Variants in BLK observed in about 807,000 individuals in gnomAD.
BLK encodes tyrosine-protein kinase Blk.
BLK carries 64 observed loss-of-function variants against 61.8 expected under a neutral mutation model. The observed-to-expected ratio is 1.03, with a 90% confidence interval of 0.85 to 1.27. BLK has a LOEUF of 1.27. Among genes scored for constraint, BLK ranks in the 50% most tolerant of loss-of-function variants. The pLI is 0.00. For missense variants in BLK, 853 were observed against 660.5 expected (o/e 1.29, Z -3.19); for synonymous variants, 351 against 272.0 (o/e 1.29, Z -2.86).
rs372586212 is a variant in BLK, at chr8:11,554,898, G to A, written c.619+9G>A. 1.2e-5 allele frequency: 20 copies of A among 1,611,756 alleles called. No individual in the cohort carries two copies. Among genetic ancestry groups the A allele is most frequent in the Non-Finnish European group, 1.5e-5 (18 of 1,179,920 alleles). On this transcript the variant is annotated intron_variant, in intron 7 of 12. Coordinates refer to ENST00000259089, the MANE Select transcript of BLK (RefSeq NM_001715.3). The stretch of plus-strand genomic sequence containing the variant: ...GGTGCAGCACTATTCTAGTAAGAGG[G>A]GGCGTGCAATGGGGGCAGGGACTTG...
At position 11,557,376 on chromosome 8, in the gene BLK, A is replaced by G. The variant is rs553749983; in HGVS notation, c.952+539A>G. ...ATAGGATCCTAACATGCCCATGTTGATATAGCTCCCTAACAACTGTCACCA... is the reference window on the plus strand; with the variant it reads ...ATAGGATCCTAACATGCCCATGTTGGTATAGCTCCCTAACAACTGTCACCA... On this transcript the variant is annotated intron_variant, in intron 9 of 12. Coordinates refer to ENST00000259089, the MANE Select transcript of BLK (RefSeq NM_001715.3). Among the ~76,000 whole-genome samples, 4 of 152,272 alleles carry G rather than the reference A, an allele frequency of 2.6e-5. No individual in the cohort carries two copies. The East Asian group carries it at 7.7e-4, about 29-fold the overall frequency.
chr8:11,526,769 CTG>C (rs1799670336), intron 1 of BLK, among the ~76,000 whole-genome samples: 1 of 152,134 alleles, frequency 6.6e-6, no homozygotes, highest in African/African-American at 2.4e-5. Flanking sequence ...TATAATTTTA[CTG>C]TGTTTCATCA....
At chr8:11,509,895 C>G (rs1798929996) in intron 1 of BLK, 1 of 152,144 alleles carries the variant, frequency 6.6e-6, no homozygotes, top group Admixed American at 6.6e-5. Context: ...AGACATAGCA[C>G]CTTAGATTCT....
intron 1 of BLK, among the ~76,000 whole-genome samples, chr8:11,522,222 A>G (rs1165331928): frequency 6.6e-6 from 1 of 152,242 alleles, no homozygotes; most frequent in Non-Finnish European, 1.5e-5. Context: ...AATGGTCAAA[A>G]TATATGAATA....
chr8:11,534,803 G>C (rs1800044486), intron 1 of BLK, among the ~76,000 whole-genome samples: 2 of 152,220 alleles, frequency 1.3e-5, no homozygotes, highest in African/African-American at 4.8e-5. Context: ...CACCCAGCCA[G>C]GTGTTACAGA....
At chr8:11,538,199 C>G (rs959081769) in intron 1 of BLK, among the ~76,000 whole-genome samples, 1 of 152,178 alleles carries the variant, frequency 6.6e-6, no homozygotes, top group African/African-American at 2.4e-5. Flanking sequence ...CCCACTCTCT[C>G]ACAAACATAC....
At chr8:11,512,654 T>TTTTC (rs2117292944) in intron 1 of BLK, among the ~76,000 whole-genome samples, 1 of 151,114 alleles carries the variant, frequency 6.6e-6, no homozygotes, top group African/African-American at 2.4e-5. Context: ...AGGCTTCTGG[T>TTTTC]TTTGTTTGTT....
At chr8:11,543,742 C>A (rs367582762) in intron 2 of BLK, among the ~76,000 whole-genome samples, 1 of 152,210 alleles carries the variant, frequency 6.6e-6, no homozygotes, top group East Asian at 1.9e-4. Context: ...GGATAAGCAT[C>A]ATGAAACAGG....
In BLK at chr8:11,564,256, G is replaced by T. The variant is rs1029548285; in HGVS notation, c.*148G>T. 1.0e-6 allele frequency: 1 copy of T among 966,692 alleles called. No homozygotes were observed. Among genetic ancestry groups the T allele is most frequent in the Non-Finnish European group, 1.6e-6 (1 of 630,984 alleles). The allele number at this position is 966,692 out of a possible 1,614,324, so 59.9% of individuals were successfully genotyped here. On this transcript the variant is annotated 3_prime_UTR_variant, in exon 13 of 13. Transcript: ENST00000259089. ...GTGGGCAGAGGCAGCTTCGCAGGGGGTCCCCGGACGGACTCCTTCACCGAC... is the reference window on the plus strand; with the variant it reads ...GTGGGCAGAGGCAGCTTCGCAGGGGTTCCCCGGACGGACTCCTTCACCGAC...
At chr8:11,508,133 G>A (rs946560336) in intron 1 of BLK, among the ~76,000 whole-genome samples, 1 of 152,190 alleles carries the variant, frequency 6.6e-6, no homozygotes, top group African/African-American at 2.4e-5. Context: ...CAAAGTGCAG[G>A]CTCAGGACTG....
rs118074742 is a variant in BLK at position 11,505,691 on chromosome 8, T to G, written c.-2+11100T>G. On this transcript the variant is annotated intron_variant, in intron 1 of 12. Coordinates refer to ENST00000259089, the MANE Select transcript of BLK (RefSeq NM_001715.3). ...TCTTTCTAAAACTCAAATGTGGCCC[T>G]ATCACCGCACAGGGTAAAGCCACCA... is the stretch of plus-strand genomic sequence containing the variant. Among the ~76,000 whole-genome samples, 981 of 152,298 alleles carry G rather than the reference T, an allele frequency of 6.4e-3. 4 individuals are homozygous for G. Among genetic ancestry groups the G allele is most frequent in the Middle Eastern group, 0.01 (3 of 294 alleles).
intron 8 of BLK, chr8:11,556,438 C>T (rs1371889910): frequency 1.6e-6 from 1 of 606,226 alleles, no homozygotes; most frequent in Non-Finnish European, 3.0e-6. Flanking sequence ...GTGAAATGCC[C>T]CCCAGGCAGG....
chr8:11,518,842 C>G (rs1222928083), intron 1 of BLK, among the ~76,000 whole-genome samples: 2 of 152,180 alleles, frequency 1.3e-5, no homozygotes, highest in African/African-American at 4.8e-5. Context: ...GGGAATCTGC[C>G]AAGCCTGTGC....
intron 1 of BLK, among the ~76,000 whole-genome samples, chr8:11,530,610 A>G (rs1799846032): frequency 6.6e-6 from 1 of 152,246 alleles, no homozygotes; most frequent in Admixed American, 6.5e-5. Context: ...GCAGGTAAAG[A>G]GAAAGAAATA....
intron 1 of BLK, among the ~76,000 whole-genome samples, chr8:11,497,901 C>A (rs1014714761): frequency 6.6e-6 from 1 of 152,154 alleles, no homozygotes; most frequent in Non-Finnish European, 1.5e-5. Context: ...TCTGCACCTG[C>A]CAGCTGGGAG....
At chr8:11,530,228 C>G (rs1799830493) in intron 1 of BLK, among the ~76,000 whole-genome samples, 1 of 152,116 alleles carries the variant, frequency 6.6e-6, no homozygotes, top group Non-Finnish European at 1.5e-5. Flanking sequence ...TGAGCCCAGC[C>G]AAGGATTTAT....
rs754196779 is a variant in BLK at position 11,555,344 on chromosome 8, G to T, written c.632G>T (p.Gly211Val). 2.1e-5 allele frequency: 34 copies of T among 1,613,982 alleles called. No individual in the cohort carries two copies. The highest frequency in any genetic ancestry group is 3.3e-4 in the Middle Eastern group (2 of 6,084). Residue 211 changes from glycine to valine, a missense_variant, in exon 8 of 13, where the codon GGT (glycine) becomes GTT (valine). Gly to Val is a moderately radical substitution (Grantham distance 109). Coordinates refer to ENST00000259089, the MANE Select transcript of BLK (RefSeq NM_001715.3). ...LVQHYSKKGDGLCQRLTLPCV... is the reference protein window; with the variant it reads ...LVQHYSKKGDVLCQRLTLPCV... ...TTCCCTAATGCAGAGAAGGGGGATGGTCTATGCCAGAGGCTGACCCTGCCC... is the reference window on the plus strand; with the variant it reads ...TTCCCTAATGCAGAGAAGGGGGATGTTCTATGCCAGAGGCTGACCCTGCCC...
At chr8:11,544,429 G>A (rs1168169715) in intron 2 of BLK, among the ~76,000 whole-genome samples, 3 of 152,196 alleles carry the variant, frequency 2.0e-5, no homozygotes, top group South Asian at 2.1e-4. Flanking sequence ...ATGGGGAGAC[G>A]GGGATTACTA....
chr8:11,529,047 C>T (rs973655759), intron 1 of BLK, among the ~76,000 whole-genome samples: 18 of 152,214 alleles, frequency 1.2e-4, no homozygotes, highest in South Asian at 2.1e-4. Flanking sequence ...CCATAGCACA[C>T]GTTTACATAT....
Sources: allele counts gnomAD v4.1 joint callset (sites outside exome capture counted in the v4.1 genomes callset), GRCh38; gene constraint gnomAD v4.1.1; transcripts MANE v1.5; gene names NCBI Gene and HGNC (gene_info 2026-07-23, HGNC 2026-07-21).